Variants in MASP2 observed in about 807,000 individuals in gnomAD.
MASP2 encodes mannan-binding lectin serine protease 2.
A neutral mutation model predicts 57.1 loss-of-function variants in MASP2; 49 were observed. The ratio of observed to expected loss-of-function variants is 0.86; its 90% CI spans 0.68 to 1.09. The LOEUF (loss-of-function observed/expected upper bound fraction) is 1.09. Ranked by LOEUF, MASP2 falls within the 50% of genes least tolerant of loss-of-function variation. The pLI is 0.00. For missense variants in MASP2, 900 were observed against 874.8 expected (o/e 1.03, Z -0.36); for synonymous variants, 379 against 340.8 (o/e 1.11, Z -1.24).
At chr1:11,032,608 CAAAA>C (rs36074066) in intron 8 of MASP2, among the ~76,000 whole-genome samples, 5 of 106,078 alleles carry the variant, frequency 4.7e-5, no homozygotes, top group African/African-American at 1.7e-4. Flanking sequence ...GAGACCCCGT[CAAAA>C]AAAAAAAAAA....
intron 6 of MASP2, among the ~76,000 whole-genome samples, chr1:11,041,929 G>T (rs2100899148): frequency 6.7e-6 from 1 of 149,876 alleles, no homozygotes; most frequent in South Asian, 2.2e-4. Context: ...TGGAAGGATG[G>T]GTAGGTAGAA....
chr1:11,037,480 GA>G (rs948285374), intron 7 of MASP2, among the ~76,000 whole-genome samples: 17 of 151,840 alleles, frequency 1.1e-4, no homozygotes, highest in Admixed American at 3.9e-4. Flanking sequence ...AAGAAAGAAA[GA>G]AAAAAGGGCG....
At chr1:11,036,531 AAAAAAAC>A (rs1638242406) in intron 7 of MASP2, among the ~76,000 whole-genome samples, 9 of 141,906 alleles carry the variant, frequency 6.3e-5, no homozygotes, top group African/African-American at 2.6e-4. Context: ...AAAAAAAAAA[AAAAAAAC>A]AAAAAAAAAA....
chr1:11,045,009 G>A lies in MASP2; in HGVS notation c.544+399C>T, dbSNP rs9430179. ...ACACCGAGAGGGAGAAACCGAGTCG[G>A]GGGAGGCAGGGTCAGCGCCAGCAGG... On this transcript the variant is annotated intron_variant, in intron 4 of 10. Coordinates refer to ENST00000400897, the MANE Select transcript of MASP2 (RefSeq NM_006610.4). 8,357 of 1,550,032 alleles carry A rather than the reference G, an allele frequency of 5.4e-3. 252 individuals carry two copies. In the African/African-American group the frequency reaches 0.08, roughly 15 times the overall value.
chr1:11,031,261 T>C (rs551560808), intron 8 of MASP2, among the ~76,000 whole-genome samples: 6 of 149,776 alleles, frequency 4.0e-5, no homozygotes, highest in East Asian at 2.0e-4. Context: ...CGATGGCTCA[T>C]GCCTGTAATC....
rs569204887 is a variant in MASP2, at chr1:11,042,896, T to C, written c.868A>G (p.Lys290Glu). Residue 290 changes from lysine (K) to glutamate (E), a missense_variant, in exon 6 of 11, where the codon AAG becomes GAG. By Grantham distance (56) the Lys-to-Glu change is moderately conservative. Transcript: ENST00000400897. ...TCACCTGTGCTCGTGTAGTGGATCT[T>C]CCAGCCTGTGTGGTCTCCTGATTCA... The part of the protein sequence containing the change: ...TDESGDHTGW[K>E]IHYTSTAQPC... The C allele has an allele frequency of 3.0e-5, 48 of 1,613,970 alleles. 1 individual carries two copies. The African/African-American group carries it at 6.4e-4, about 22-fold the overall frequency.
In MASP2 at chr1:11,043,433, C is replaced by G. The variant is rs1638522471; in HGVS notation, c.647G>C (p.Ser216Thr). 6.2e-7 allele frequency: 1 copy of G among 1,610,920 alleles called. No individual in the cohort carries two copies. Among genetic ancestry groups the G allele is most frequent in the Non-Finnish European group, 8.5e-7 (1 of 1,179,010 alleles). ...AATGACACTGAACCCCTCCTCCAGG[C>G]TGATGCTGTAAGTGCAACTGGAGAG... ...PKLSSCTYSI[S>T]LEEGFSVILD... is the part of the protein sequence containing the mutation. The change falls in exon 5 of 11, where the codon AGC becomes ACC. Residue 216 changes from serine (S) to threonine (T), a missense_variant. Ser to Thr is a moderately conservative substitution (Grantham distance 58). Coordinates refer to ENST00000400897, the MANE Select transcript of MASP2 (RefSeq NM_006610.4).
Position 11,043,406 on chromosome 1 carries a change from A to C in MASP2, c.674T>G (p.Leu225Arg). 5 of 1,610,950 alleles carry C rather than the reference A, an allele frequency of 3.1e-6. No homozygotes were observed. Among genetic ancestry groups the C allele is most frequent in the Non-Finnish European group, 4.2e-6 (5 of 1,178,984 alleles). Residue 225 changes from leucine to arginine, a missense_variant, in exon 5 of 11, where the codon CTG becomes CGG. Leu to Arg is a moderately radical substitution (Grantham distance 102). Transcript: ENST00000400897. ...ISLEEGFSVI[L>R]DFVESFDVET... is the part of the protein sequence containing the mutation. ...CACATCGAAGGACTCCACAAAGTCC[A>C]GAATGACACTGAACCCCTCCTCCAG...
rs550232632 is a variant in MASP2 at position 11,039,160 on chromosome 1, C to G, written c.890-1349G>C. ...GTCTGGTGAGGTCCTCCTTTGGACT[C>G]TCACATTGCCCAGTGCTTGGCTCTA... On this transcript the variant is annotated intron_variant, in intron 6 of 10. Coordinates refer to ENST00000400897, the MANE Select transcript of MASP2 (RefSeq NM_006610.4). Among the ~76,000 whole-genome samples the G allele has an allele frequency of 2.2e-4, 34 of 152,360 alleles. No homozygotes were observed. The South Asian group carries it at 6.2e-3, about 28-fold the overall frequency.
At chr1:11,033,804 G>C (rs1239899065) in intron 8 of MASP2, among the ~76,000 whole-genome samples, 5 of 151,126 alleles carry the variant, frequency 3.3e-5, no homozygotes, top group Admixed American at 3.3e-4. Context: ...GTGGTGGCAT[G>C]TGCCTGTAAT....
chr1:11,045,951 C>T (rs188741647), intron 3 of MASP2: 2 of 210,530 alleles, frequency 9.5e-6, no homozygotes, highest in Non-Finnish European at 1.9e-5. Context: ...ATCCTGGCAG[C>T]GCTCCCGCTG....
At position 11,031,900 on chromosome 1, in the gene MASP2, C is replaced by G. The variant is rs1287972936; in HGVS notation, c.1088-1018G>C. 5.9e-5 allele frequency among the ~76,000 whole-genome samples: 9 copies of G among 152,114 alleles called. No homozygotes were observed. In the South Asian group the frequency reaches 6.2e-4, roughly 11 times the overall value. The stretch of plus-strand genomic sequence containing the variant: ...TGCACTACCGCCTGGGTGATAGAGA[C>G]TTTGTCTCCAAAACAAAAAATTCAG... On this transcript the variant is annotated intron_variant, in intron 8 of 10. Coordinates refer to ENST00000400897, the MANE Select transcript of MASP2 (RefSeq NM_006610.4).
In MASP2 at chr1:11,036,267, G is replaced by C. The variant is rs190778878; in HGVS notation, c.1009-1361C>G. Reference sequence around the variant, plus strand: ...CGCCTGTAATCCCAGCACTTTGGGAGGCCGAGGCGGGTGGATCATGAGGTC... The same window carrying C: ...CGCCTGTAATCCCAGCACTTTGGGACGCCGAGGCGGGTGGATCATGAGGTC... On this transcript the variant is annotated intron_variant, in intron 7 of 10. Transcript: ENST00000400897. Among the ~76,000 whole-genome samples, 684 of 152,086 alleles carry C rather than the reference G, an allele frequency of 4.5e-3. 7 individuals are homozygous for C. The highest frequency in any genetic ancestry group is 0.015 in the African/African-American group (640 of 41,514).
chr1:11,029,402 A>T (rs1036352402), intron 10 of MASP2, among the ~76,000 whole-genome samples: 109 of 151,492 alleles, frequency 7.2e-4, no homozygotes, highest in Non-Finnish European at 1.8e-4. Flanking sequence ...TCCGTCTCAA[A>T]AAATAATAAT....
In MASP2 at chr1:11,027,024, T is replaced by C. The variant is rs1446303163; in HGVS notation, c.1922A>G (p.Asp641Gly). 1 of 1,598,448 alleles carries C rather than the reference T, an allele frequency of 6.3e-7. No individual in the cohort carries two copies. The part of the protein sequence containing the change: ...GDSGGALVFL[D>G]SETERWFVGG... The stretch of plus-strand genomic sequence containing the variant: ...CACAAACCACCTCTCTGTTTCACTA[T>C]CTAGAAACACCAGTGCCCCTCCGCT... Residue 641 changes from aspartate to glycine, a missense_variant, in exon 11 of 11, where the codon GAT becomes GGT. Transcript: ENST00000400897.
intron 8 of MASP2, among the ~76,000 whole-genome samples, chr1:11,033,550 C>T (rs1643867787): frequency 6.6e-6 from 1 of 151,848 alleles, no homozygotes; most frequent in Non-Finnish European, 1.5e-5. Flanking sequence ...GAAGCTGAGG[C>T]AGGAGAATTG....
At chr1:11,036,521 A>C (rs1311200637) in intron 7 of MASP2, among the ~76,000 whole-genome samples, 110 of 131,978 alleles carry the variant, frequency 8.3e-4, no homozygotes, top group Non-Finnish European at 1.5e-3. Context: ...AAAAAAAAAA[A>C]AAAAAAAAAA....
rs531181786 is a variant in MASP2, at chr1:11,037,727, G to A, written c.974C>T (p.Ser325Phe). Residue 325 changes from serine to phenylalanine, a missense_variant, in exon 7 of 11, where the codon TCC becomes TTC. Coordinates refer to ENST00000400897, the MANE Select transcript of MASP2 (RefSeq NM_006610.4). ...CTCATAGCCAGTCTCGCAAAAGATG[G>A]AGAAGCTGTCTTTCAGGATGTATTT... ...QAKYILKDSF[S>F]IFCETGYELL... The A allele has an allele frequency of 3.1e-6, 5 of 1,612,372 alleles. No homozygotes were observed. The highest frequency in any genetic ancestry group is 3.4e-5 in the Admixed American group (2 of 59,534).
intron 1 of MASP2, 21 bp downstream of exon 1, chr1:11,047,182 A>G (rs1366708355): frequency 3.8e-6 from 6 of 1,560,092 alleles, no homozygotes; most frequent in Admixed American, 1.9e-5. Flanking sequence ...CCCTGCAGGG[A>G]GGCTGTGGGC....
Sources: gnomAD v4.1 joint callset for allele counts (sites outside exome capture counted in the v4.1 genomes callset) on GRCh38, gnomAD v4.1.1 for gene constraint, MANE v1.5 for transcripts, NCBI Gene and HGNC (gene_info 2026-07-23, HGNC 2026-07-21) for gene names.